Variants in CELF4 observed in about 807,000 individuals in gnomAD.
CELF4 encodes CUGBP Elav-like family member 4, also known as CUG-BP- and ETR-3-like factor 4.
In CELF4, 18 loss-of-function variants were observed where a neutral mutation model predicts 59.9. That is an observed-to-expected ratio of 0.30 (90% CI 0.21 to 0.45). The LOEUF (loss-of-function observed/expected upper bound fraction) is 0.45. Ranked by LOEUF, CELF4 falls within the 20% of genes least tolerant of loss-of-function variation. CELF4 has a pLI of 1.00. For missense variants in CELF4, 456 were observed against 689.0 expected, an observed-to-expected ratio of 0.66 and a Z score of 3.79; for synonymous variants, 261 against 267.1, an observed-to-expected ratio of 0.98 and a Z score of 0.22.
At chr18:37,394,101 GC>G (rs1191140288) in intron 2 of CELF4, among the ~76,000 whole-genome samples, 2 of 152,098 alleles carry the variant, frequency 1.3e-5, no homozygotes, top group African/African-American at 2.4e-5. Flanking sequence ...CGCGGGAGGG[GC>G]CCGCGGCAGA....
At chr18:37,328,256 A>G (rs539614225) in intron 2 of CELF4, among the ~76,000 whole-genome samples, 4 of 152,270 alleles carry the variant, frequency 2.6e-5, no homozygotes, top group Admixed American at 1.3e-4. Flanking sequence ...ATTGAACGAG[A>G]TCATGAAAGA....
intron 2 of CELF4, among the ~76,000 whole-genome samples, chr18:37,328,659 G>GA (rs1212969061): frequency 6.6e-6 from 1 of 152,184 alleles, no homozygotes; most frequent in African/African-American, 2.4e-5. Flanking sequence ...CCTACTTGTG[G>GA]ACGCGCTTGT....
chr18:37,466,795 T>C (rs748435077), intron 2 of CELF4, among the ~76,000 whole-genome samples: 13 of 152,128 alleles, frequency 8.5e-5, no homozygotes, highest in Non-Finnish European at 1.9e-4. Context: ...TTATCCAGCC[T>C]TATCCAGATT....
At chr18:37,443,984 G>A (rs768772958) in intron 2 of CELF4, among the ~76,000 whole-genome samples, 1 of 152,130 alleles carries the variant, frequency 6.6e-6, no homozygotes, top group Non-Finnish European at 1.5e-5. Context: ...TTCTCCTCAC[G>A]CTCTATAATC....
Position 37,244,079 on chromosome 18 carries a change from T to A in CELF4, c.*1163A>T, listed in dbSNP as rs2061208032. ...GGGGAGAAGGGATTGATGCTCTGTC[T>A]AAACTCTACAAAAGTACAGTCCTAC... On this transcript the variant is annotated 3_prime_UTR_variant, in exon 13 of 13. Coordinates refer to ENST00000420428, the MANE Select transcript of CELF4 (RefSeq NM_020180.4). The A allele has an allele frequency of 6.4e-6, 1 of 155,520 alleles. No individual in the cohort carries two copies. The highest frequency in any genetic ancestry group is 2.0e-4 in the South Asian group (1 of 4,884). 9.6% of individuals were successfully genotyped at this position (155,520 alleles called of 1,614,324 possible).
intron 2 of CELF4, among the ~76,000 whole-genome samples, chr18:37,441,250 C>T (rs1300894233): frequency 6.6e-6 from 1 of 151,508 alleles, no homozygotes; most frequent in Admixed American, 6.6e-5. Flanking sequence ...TGGCTCCTCC[C>T]TACCTCCCAG....
chr18:37,395,967 G>T (rs1167658839), intron 2 of CELF4, among the ~76,000 whole-genome samples: 2 of 152,132 alleles, frequency 1.3e-5, no homozygotes, highest in Non-Finnish European at 2.9e-5. Flanking sequence ...CTCCCTTCAT[G>T]GACCCTGGCA....
chr18:37,332,077 G>A (rs780503492), intron 2 of CELF4, among the ~76,000 whole-genome samples: 3 of 152,318 alleles, frequency 2.0e-5, no homozygotes, highest in South Asian at 2.1e-4. Context: ...CCAAGCAAAC[G>A]TTTGTTCAGT....
intron 1 of CELF4, among the ~76,000 whole-genome samples, chr18:37,562,116 C>A (rs1284223472): frequency 6.6e-6 from 1 of 152,124 alleles, no homozygotes; most frequent in Non-Finnish European, 1.5e-5. Context: ...TCCACAACTG[C>A]TCTTTGCTGC....
At chr18:37,306,562 C>T (rs958406675) in intron 3 of CELF4, among the ~76,000 whole-genome samples, 10 of 152,202 alleles carry the variant, frequency 6.6e-5, no homozygotes, top group South Asian at 6.2e-4. Flanking sequence ...TTGGCAGAGC[C>T]GGGTGGCTGC....
intron 3 of CELF4, among the ~76,000 whole-genome samples, chr18:37,307,927 G>A (rs2096496897): frequency 1.3e-5 from 2 of 152,184 alleles, no homozygotes; most frequent in Admixed American, 1.3e-4. Flanking sequence ...ACATGGAGCT[G>A]GGCAGGTGGG....
intron 2 of CELF4, among the ~76,000 whole-genome samples, chr18:37,390,510 T>C (rs550065816): frequency 2.0e-5 from 3 of 152,184 alleles, no homozygotes; most frequent in African/African-American, 7.2e-5. Flanking sequence ...GGCTAAGGCA[T>C]GGCCTGTTGA....
intron 2 of CELF4, among the ~76,000 whole-genome samples, chr18:37,416,794 T>A (rs2099532436): frequency 6.6e-6 from 1 of 152,204 alleles, no homozygotes; most frequent in Admixed American, 6.5e-5. Flanking sequence ...CGCTCCCTGT[T>A]GCATCTGTCC....
At chr18:37,260,765 C>T (rs2073812904) in intron 10 of CELF4, among the ~76,000 whole-genome samples, 1 of 152,190 alleles carries the variant, frequency 6.6e-6, no homozygotes, top group Admixed American at 6.5e-5. Context: ...ATTTCCCCAA[C>T]CCCTAAAGCT....
At chr18:37,248,089 C>T (rs1476155736) in intron 12 of CELF4, among the ~76,000 whole-genome samples, 1 of 152,158 alleles carries the variant, frequency 6.6e-6, no homozygotes, top group African/African-American at 2.4e-5. Context: ...GCCCTCCCAC[C>T]CTGTGGACCC....
At chr18:37,275,322 C>G in intron 3 of CELF4, 79 bp from the exon 4 acceptor site, 5 of 1,191,452 alleles carry the variant, frequency 4.2e-6, no homozygotes, top group Non-Finnish European at 3.2e-6. Flanking sequence ...AGGGGGAGAG[C>G]GGCAGGGAAA....
intron 3 of CELF4, among the ~76,000 whole-genome samples, chr18:37,308,672 G>A (rs1722543976): frequency 6.6e-6 from 1 of 152,180 alleles, no homozygotes; most frequent in South Asian, 2.1e-4. Flanking sequence ...ATTTGCAACT[G>A]GCCATTTATG....
At chr18:37,536,083 C>A (rs1049016836) in intron 1 of CELF4, among the ~76,000 whole-genome samples, 1 of 152,132 alleles carries the variant, frequency 6.6e-6, no homozygotes, top group Non-Finnish European at 1.5e-5. Context: ...TCCTCTGGAA[C>A]CACTTGCATT....
intron 3 of CELF4, among the ~76,000 whole-genome samples, chr18:37,318,977 C>T (rs888378818): frequency 6.6e-6 from 1 of 152,136 alleles, no homozygotes; most frequent in East Asian, 1.9e-4. Context: ...GCTGTGGGAT[C>T]TCCCACCTTC....
Sources: allele counts gnomAD v4.1 joint callset (sites outside exome capture counted in the v4.1 genomes callset), GRCh38; gene constraint gnomAD v4.1.1; transcripts MANE v1.5; gene names NCBI Gene and HGNC (gene_info 2026-07-23, HGNC 2026-07-21).